DDAH1: variants seen among roughly 807,000 people sequenced by gnomAD.
DDAH1 encodes the protein dimethylarginine dimethylaminohydrolase 1, also known as N(G),N(G)-dimethylarginine dimethylaminohydrolase 1.
A neutral mutation model predicts 28.8 loss-of-function variants in DDAH1; 19 were observed. That is an observed-to-expected ratio of 0.66 (90% confidence interval 0.46 to 0.97). DDAH1 has a LOEUF of 0.97. Among genes scored for constraint, DDAH1 ranks in the 50% least tolerant of loss-of-function variants. The pLI is 0.00. For synonymous variants in DDAH1, 153 were observed against 154.4 expected, an observed-to-expected ratio of 0.99 and a Z score of 0.07; for missense variants, 326 against 375.9, an observed-to-expected ratio of 0.87 and a Z score of 1.10.
rs570376939 is a variant in DDAH1, at chr1:85,402,498, T to G, written c.304-43651A>C. 8.5e-5 allele frequency among the ~76,000 whole-genome samples: 13 copies of G among 152,360 alleles called. No individual in the cohort carries two copies. The East Asian group carries it at 2.5e-3, about 29-fold the overall frequency. ...TACCATGCTGTTTTTATCTCAGATT[T>G]GATATTTTCTTCAGAAATGTATAAT... On this transcript the variant is annotated intron_variant, in intron 1 of 5. Transcript: ENST00000284031.
intron 5 of DDAH1, 90 bp downstream of exon 5, chr1:85,324,650 G>A: frequency 7.1e-7 from 1 of 1,416,204 alleles, no homozygotes; most frequent in South Asian, 1.3e-5. Context: ...ATGTATACAG[G>A]AAAAGGAGGC....
intron 1 of DDAH1, among the ~76,000 whole-genome samples, chr1:85,423,344 T>C (rs1240582087): frequency 3.3e-5 from 5 of 152,196 alleles, no homozygotes; most frequent in Non-Finnish European, 7.3e-5. Flanking sequence ...ATCAAATCTA[T>C]AGGTGAAGAA....
upstream of DDAH1, among the ~76,000 whole-genome samples, chr1:85,465,386 C>A (rs1655334851): frequency 6.6e-6 from 1 of 152,178 alleles, no homozygotes; most frequent in Non-Finnish European, 1.5e-5. Context: ...CGGGGGACCT[C>A]GGCGAAAAGC....
At chr1:85,412,734 C>T (rs1303376536) in intron 1 of DDAH1, among the ~76,000 whole-genome samples, 1 of 152,188 alleles carries the variant, frequency 6.6e-6, no homozygotes, top group African/African-American at 2.4e-5. Context: ...GGCATGGTGG[C>T]CTGCACCTGT....
At chr1:85,329,820 G>A (rs1467830820) in intron 4 of DDAH1, among the ~76,000 whole-genome samples, 1 of 152,192 alleles carries the variant, frequency 6.6e-6, no homozygotes, top group African/African-American at 2.4e-5. Context: ...GGAGCAGTGA[G>A]TAGTTCTGCT....
At chr1:85,421,304 T>C (rs988491255) in intron 1 of DDAH1, among the ~76,000 whole-genome samples, 4 of 152,228 alleles carry the variant, frequency 2.6e-5, no homozygotes, top group Admixed American at 6.5e-5. Context: ...TTGTATCTTT[T>C]GTTTTTAATC....
At chr1:85,512,253 T>A (rs1657269764) in intron 1 of DDAH1, among the ~76,000 whole-genome samples, 2 of 152,144 alleles carry the variant, frequency 1.3e-5, no homozygotes, top group Admixed American at 1.3e-4. Flanking sequence ...AAAAACCACA[T>A]GATTATCTCA....
intron 2 of DDAH1, among the ~76,000 whole-genome samples, chr1:85,491,893 T>C (rs182085704): frequency 8.5e-5 from 13 of 152,292 alleles, no homozygotes; most frequent in South Asian, 2.1e-4. Flanking sequence ...TAACCCCCTA[T>C]ACTGGCATGA....
At chr1:85,323,308 G>A (rs1661429614) in intron 5 of DDAH1, among the ~76,000 whole-genome samples, 4 of 152,044 alleles carry the variant, frequency 2.6e-5, no homozygotes, top group Non-Finnish European at 4.4e-5. Flanking sequence ...TTGTTCCTCC[G>A]GGCAGAGATG....
chr1:85,388,179 A>G (rs957647241), intron 1 of DDAH1, among the ~76,000 whole-genome samples: 3 of 152,172 alleles, frequency 2.0e-5, no homozygotes, highest in Non-Finnish European at 2.9e-5. Flanking sequence ...CTCAACTTCT[A>G]CAACTTCTGG....
intron 1 of DDAH1, among the ~76,000 whole-genome samples, chr1:85,430,745 T>A: frequency 6.6e-6 from 1 of 152,210 alleles, no homozygotes. Flanking sequence ...TGATTTTGTA[T>A]CCTGAGACTT....
intron 1 of DDAH1, among the ~76,000 whole-genome samples, chr1:85,408,334 T>C (rs1383428248): frequency 6.6e-6 from 1 of 151,838 alleles, no homozygotes; most frequent in Non-Finnish European, 1.5e-5. Flanking sequence ...TATTCAGGAT[T>C]AACTGAACAA....
At chr1:85,373,601 T>C (rs771154415) in intron 1 of DDAH1, among the ~76,000 whole-genome samples, 80 of 152,176 alleles carry the variant, frequency 5.3e-4, no homozygotes, top group Non-Finnish European at 1.0e-3. Context: ...CTTAGCCTTC[T>C]GCCATGATTT....
chr1:85,496,552 C>T (rs1656602513), intron 1 of DDAH1, among the ~76,000 whole-genome samples: 1 of 152,018 alleles, frequency 6.6e-6, no homozygotes, highest in African/African-American at 2.4e-5. Context: ...TCGGTATTTT[C>T]CTTGAAAGCA....
At chr1:85,387,072 A>G (rs72724608) in intron 1 of DDAH1, among the ~76,000 whole-genome samples, 28,307 of 152,012 alleles carry the variant, frequency 0.19, 2,841 homozygotes, top group South Asian at 0.29. Context: ...TGGGTCTGTG[A>G]TGGGAAAGGT....
At chr1:85,402,908 CAAAA>C (rs11358089) in intron 1 of DDAH1, among the ~76,000 whole-genome samples, 2 of 113,530 alleles carry the variant, frequency 1.8e-5, no homozygotes, top group African/African-American at 3.2e-5. Flanking sequence ...GACTCCATCT[CAAAA>C]AAAAAAAAAA....
At chr1:85,442,445 T>A (rs1654242634) in intron 1 of DDAH1, among the ~76,000 whole-genome samples, 1 of 152,248 alleles carries the variant, frequency 6.6e-6, no homozygotes, top group Non-Finnish European at 1.5e-5. Flanking sequence ...ACATCTGGGT[T>A]GGTTCCAAGT....
At chr1:85,345,360 G>T (rs1648781582) in intron 4 of DDAH1, among the ~76,000 whole-genome samples, 1 of 151,662 alleles carries the variant, frequency 6.6e-6, no homozygotes, top group South Asian at 2.1e-4. Flanking sequence ...ACAGGTAGAG[G>T]GGTATGAAGG....
chr1:85,475,380 T>A (rs1655762130), intron 2 of DDAH1, among the ~76,000 whole-genome samples: 1 of 152,156 alleles, frequency 6.6e-6, no homozygotes, highest in African/African-American at 2.4e-5. Context: ...TAGCAATAGT[T>A]GACTTTCAAC....
Sources: gnomAD v4.1 joint callset for allele counts (sites outside exome capture counted in the v4.1 genomes callset) on GRCh38, gnomAD v4.1.1 for gene constraint, MANE v1.5 for transcripts, NCBI Gene and HGNC (gene_info 2026-07-23, HGNC 2026-07-21) for gene names.